The following SKIC8 variants were observed in gnomAD, a reference collection of about 807,000 sequenced individuals.
The protein encoded by SKIC8 is superkiller complex protein 8.
the SKIC8 span, chr15:78,288,753 AC>A: frequency 2.9e-6 from 1 of 348,410 alleles, no homozygotes; most frequent in Non-Finnish European, 5.6e-6. Flanking sequence ...TAAAGGATAA[AC>A]TATAGCAATG....
At chr15:78,283,529 T>C in the SKIC8 span, 1 of 1,601,092 alleles carries the variant, frequency 6.2e-7, no homozygotes. Flanking sequence ...GACCTGTAAA[T>C]TTAAAAAAAG....
At chr15:78,293,295 T>TATAAA in the SKIC8 span, 5 of 1,604,638 alleles carry the variant, frequency 3.1e-6, no homozygotes, top group African/African-American at 1.3e-5. Context: ...GTGCTTCATT[T>TATAAA]ATAAAGTCTT....
chr15:78,289,800 T>C, the SKIC8 span: 7 of 1,515,156 alleles, frequency 4.6e-6, no homozygotes, highest in East Asian at 4.5e-5. Flanking sequence ...CCTCCTGCTA[T>C]CTACAGGTCT....
chr15:78,292,338 T>C, the SKIC8 span: 19,575 of 335,986 alleles, frequency 0.058, 703 homozygotes, highest in Middle Eastern at 0.1. Context: ...AAAATTCATT[T>C]GGCAGCAAAA....
the SKIC8 span, chr15:78,292,883 G>T: frequency 7.3e-7 from 1 of 1,375,418 alleles, no homozygotes; most frequent in East Asian, 2.4e-5. Context: ...CAATACCAAT[G>T]GTCTATGAAA....
the SKIC8 span, among the ~76,000 whole-genome samples, chr15:78,297,675 C>G: frequency 1.3e-5 from 2 of 152,102 alleles, no homozygotes; most frequent in African/African-American, 4.8e-5. Context: ...GAAGAAAATG[C>G]TAAATTTCAG....
chr15:78,285,313 C>T, the SKIC8 span: 1 of 1,614,196 alleles, frequency 6.2e-7, no homozygotes, highest in East Asian at 2.2e-5. Flanking sequence ...TCCAACATCC[C>T]AAACTTTTAC....
the SKIC8 span, among the ~76,000 whole-genome samples, chr15:78,290,367 G>A: frequency 2.6e-5 from 4 of 152,214 alleles, no homozygotes; most frequent in East Asian, 3.9e-4. Flanking sequence ...AATGTAAAAC[G>A]GCACAGCCAC....
chr15:78,297,251 T>C, the SKIC8 span, among the ~76,000 whole-genome samples: 2 of 152,140 alleles, frequency 1.3e-5, no homozygotes, highest in African/African-American at 2.4e-5. Flanking sequence ...TTGCTTACAA[T>C]ATGAGAGTTG....
At chr15:78,293,956 GT>G in the SKIC8 span, among the ~76,000 whole-genome samples, 1 of 152,182 alleles carries the variant, frequency 6.6e-6, no homozygotes, top group Non-Finnish European at 1.5e-5. Flanking sequence ...CAGACCCAGT[GT>G]GGATGTAAAA....
the SKIC8 span, chr15:78,292,492 A>C: frequency 9.4e-7 from 1 of 1,060,394 alleles, no homozygotes; most frequent in Non-Finnish European, 1.4e-6. Flanking sequence ...AATACAGTTC[A>C]TGCACACATT....
At chr15:78,284,394 T>C in the SKIC8 span, 2 of 152,242 alleles carry the variant, frequency 1.3e-5, no homozygotes, top group Non-Finnish European at 2.9e-5. Context: ...TGAACAATGT[T>C]AGTTAACTTT....
chr15:78,287,049 A>G, the SKIC8 span, among the ~76,000 whole-genome samples: 1 of 152,166 alleles, frequency 6.6e-6, no homozygotes, highest in Non-Finnish European at 1.5e-5. Flanking sequence ...ATAATGCATC[A>G]ATATTGGGTG....
the SKIC8 span, chr15:78,292,370 G>T: frequency 2.4e-6 from 1 of 423,414 alleles, no homozygotes; most frequent in Non-Finnish European, 4.3e-6. Flanking sequence ...TTGACATAAG[G>T]CTATTTATAG....
chr15:78,294,724 C>A, the SKIC8 span: 2 of 525,274 alleles, frequency 3.8e-6, no homozygotes, highest in South Asian at 5.6e-5. Flanking sequence ...AATTCCCCAA[C>A]CTATCATGAT....
At chr15:78,292,925 G>A in the SKIC8 span, 1 of 1,108,630 alleles carries the variant, frequency 9.0e-7, no homozygotes, top group Middle Eastern at 3.1e-4. Flanking sequence ...ATGAGCTACA[G>A]AACACCAAAT....
chr15:78,289,531 T>G, the SKIC8 span: 1 of 989,150 alleles, frequency 1.0e-6, no homozygotes, highest in Non-Finnish European at 1.6e-6. Context: ...TAATGCCCAT[T>G]TGCCATTTAA....
the SKIC8 span, among the ~76,000 whole-genome samples, chr15:78,297,672 A>G: frequency 6.6e-6 from 1 of 152,326 alleles, no homozygotes; most frequent in East Asian, 1.9e-4. Flanking sequence ...GTGGAAGAAA[A>G]TGCTAAATTT....
chr15:78,297,141 AC>A, the SKIC8 span, among the ~76,000 whole-genome samples: 2 of 152,242 alleles, frequency 1.3e-5, no homozygotes, highest in South Asian at 4.1e-4. Flanking sequence ...ATTTAGAAGC[AC>A]CTCAGCACTA....
Sources: allele counts gnomAD v4.1 joint callset (sites outside exome capture counted in the v4.1 genomes callset), GRCh38; gene constraint gnomAD v4.1.1; transcripts MANE v1.5; gene names NCBI Gene and HGNC (gene_info 2026-07-23, HGNC 2026-07-21).